MYO10: variants seen among roughly 807,000 people sequenced by gnomAD.
MYO10 encodes myosin X, also known as unconventional myosin-X.
Under a neutral mutation model 257.3 loss-of-function variants are expected in MYO10, and 133 were observed. The observed-to-expected ratio is 0.52, with a 90% CI of 0.45 to 0.60. The LOEUF (loss-of-function observed/expected upper bound fraction) is 0.60. MYO10 is among the 20% of genes least tolerant of loss of function. MYO10 has a pLI of 0.00. For synonymous variants in MYO10, 1,104 were observed against 1,028.6 expected, an observed-to-expected ratio of 1.07 and a Z score of -1.40; for missense variants, 2,399 against 2,635.7, an observed-to-expected ratio of 0.91 and a Z score of 1.97.
At chr5:16,922,124 A>T (rs2217341) in intron 1 of MYO10, among the ~76,000 whole-genome samples, 2,102 of 151,474 alleles carry the variant, frequency 0.014, 53 homozygotes, top group African/African-American at 0.048. Context: ...TGAGGCAGGC[A>T]AATCACTGGA....
At chr5:16,915,878 A>G (rs1260855012) in intron 1 of MYO10, among the ~76,000 whole-genome samples, 1 of 151,556 alleles carries the variant, frequency 6.6e-6, no homozygotes, top group Non-Finnish European at 1.5e-5. Context: ...AATTGCTTGA[A>G]CCCAGGAGGC....
At chr5:16,715,381 G>GT (rs1296595615) in intron 19 of MYO10, among the ~76,000 whole-genome samples, 1 of 139,874 alleles carries the variant, frequency 7.1e-6, no homozygotes, top group Non-Finnish European at 1.5e-5. Flanking sequence ...CGATGGTGCC[G>GT]TAAGATTGAA....
intron 4 of MYO10, among the ~76,000 whole-genome samples, chr5:16,788,415 G>T (rs962139648): frequency 6.6e-6 from 1 of 152,200 alleles, no homozygotes; most frequent in African/African-American, 2.4e-5. Context: ...TTTACCGTGT[G>T]TAAGTTTACC....
chr5:16,719,603 A>C (rs1306982314), intron 19 of MYO10, among the ~76,000 whole-genome samples: 1 of 152,258 alleles, frequency 6.6e-6, no homozygotes, highest in Non-Finnish European at 1.5e-5. Context: ...TCAAGGTCTA[A>C]AACTTTCATG....
At chr5:16,678,379 A>G (rs2126487432) in intron 33 of MYO10, among the ~76,000 whole-genome samples, 1 of 152,096 alleles carries the variant, frequency 6.6e-6, no homozygotes, top group Non-Finnish European at 1.5e-5. Context: ...CAGGAGTTGG[A>G]GTCTAGCCTG....
intron 19 of MYO10, among the ~76,000 whole-genome samples, chr5:16,716,843 A>G (rs541846312): frequency 6.6e-6 from 1 of 151,670 alleles, no homozygotes; most frequent in South Asian, 2.1e-4. Context: ...TATTTTTTTT[A>G]TTTTTTTGAG....
chr5:16,680,226 T>C, intron 32 of MYO10, 122 bp from the exon 33 acceptor site: 1 of 1,210,656 alleles, frequency 8.3e-7, no homozygotes, highest in South Asian at 1.6e-5. Flanking sequence ...ACTGGCTTAA[T>C]TCCTACATGT....
chr5:16,805,096 G>A (rs1448513070), intron 3 of MYO10, among the ~76,000 whole-genome samples: 1 of 152,190 alleles, frequency 6.6e-6, no homozygotes, highest in East Asian at 1.9e-4. Context: ...CATGTAACGT[G>A]AGTAAAAATG....
At chr5:16,684,069 T>C (rs1737131768) in intron 29 of MYO10, 134 bp from the exon 30 acceptor site, 2 of 768,064 alleles carry the variant, frequency 2.6e-6, no homozygotes, top group African/African-American at 1.7e-5. Flanking sequence ...ATAATAGTTA[T>C]CTATGAGACG....
At chr5:16,760,093 T>G (rs1008140721) in intron 17 of MYO10, among the ~76,000 whole-genome samples, 24 of 151,960 alleles carry the variant, frequency 1.6e-4, no homozygotes, top group Admixed American at 6.6e-5. Flanking sequence ...CCAACACAGG[T>G]GCTGAAAGCT....
chr5:16,850,654 G>A (rs1342015335), intron 2 of MYO10, among the ~76,000 whole-genome samples: 1 of 151,956 alleles, frequency 6.6e-6, no homozygotes, highest in Non-Finnish European at 1.5e-5. Flanking sequence ...AATGTCTGTT[G>A]GCAGGAAGGA....
At chr5:16,697,428 G>A (rs113741312) in intron 26 of MYO10, among the ~76,000 whole-genome samples, 117 of 152,302 alleles carry the variant, frequency 7.7e-4, no homozygotes, top group African/African-American at 2.7e-3. Context: ...ATGGCTGGGC[G>A]CGGTGGCTCA....
At chr5:16,857,445 C>A (rs115864579) in intron 2 of MYO10, among the ~76,000 whole-genome samples, 1,853 of 152,294 alleles carry the variant, frequency 0.012, 32 homozygotes, top group Middle Eastern at 0.034. Context: ...TTTCAAAAAA[C>A]AAATCCCCAC....
At chr5:16,699,213 T>G (rs1737909401) in intron 26 of MYO10, among the ~76,000 whole-genome samples, 1 of 152,112 alleles carries the variant, frequency 6.6e-6, no homozygotes. Flanking sequence ...GAGTCACGAC[T>G]GTGTTCATGC....
At chr5:16,807,438 C>T (rs1742309032) in intron 3 of MYO10, among the ~76,000 whole-genome samples, 1 of 152,056 alleles carries the variant, frequency 6.6e-6, no homozygotes, top group Non-Finnish European at 1.5e-5. Flanking sequence ...ACACAGTAAC[C>T]CCTCCTAACT....
At chr5:16,916,994 T>C (rs1745841247) in intron 1 of MYO10, among the ~76,000 whole-genome samples, 1 of 152,198 alleles carries the variant, frequency 6.6e-6, no homozygotes, top group African/African-American at 2.4e-5. Context: ...GTCCGTATTG[T>C]CTGTTCCTTC....
intron 19 of MYO10, among the ~76,000 whole-genome samples, chr5:16,725,349 C>G (rs1324456638): frequency 1.3e-5 from 2 of 152,030 alleles, no homozygotes; most frequent in African/African-American, 2.4e-5. Context: ...CTGCCTCGCC[C>G]TCCCAAAATG....
intron 1 of MYO10, among the ~76,000 whole-genome samples, chr5:16,910,350 T>C (rs527958333): frequency 1.3e-5 from 2 of 152,196 alleles, no homozygotes; most frequent in African/African-American, 4.8e-5. Context: ...GAAATTTGAG[T>C]TGAGTCCAGA....
At chr5:16,720,482 C>G (rs532345306) in intron 19 of MYO10, among the ~76,000 whole-genome samples, 1 of 151,986 alleles carries the variant, frequency 6.6e-6, no homozygotes, top group African/African-American at 2.4e-5. Flanking sequence ...GAGACGGAGT[C>G]TCGCTCTGCC....
Sources: gnomAD v4.1 joint callset for allele counts (sites outside exome capture counted in the v4.1 genomes callset) on GRCh38, gnomAD v4.1.1 for gene constraint, MANE v1.5 for transcripts, NCBI Gene and HGNC (gene_info 2026-07-23, HGNC 2026-07-21) for gene names.